Variants in NCOA1 observed in about 807,000 individuals in gnomAD.
NCOA1 encodes nuclear receptor coactivator 1.
In NCOA1, 35 loss-of-function variants were observed where a neutral mutation model predicts 150.9. The ratio of observed to expected loss-of-function variants is 0.23; its 90% confidence interval spans 0.18 to 0.31. The LOEUF (loss-of-function observed/expected upper bound fraction) is 0.31. Ranked by LOEUF, NCOA1 falls within the 10% of genes least tolerant of loss-of-function variation. NCOA1 has a pLI of 1.00. For missense variants in NCOA1, 1,491 were observed against 1,749.3 expected, an observed-to-expected ratio of 0.85 and a Z score of 2.63; for synonymous variants, 590 against 630.0, an observed-to-expected ratio of 0.94 and a Z score of 0.95.
chr2:24,659,055 C>T, intron 5 of NCOA1: 1 of 296,968 alleles, frequency 3.4e-6, no homozygotes, highest in South Asian at 6.0e-5. Flanking sequence ...AGATCAAGTT[C>T]CTCCATTCAT....
rs56033921 is a variant in NCOA1, at chr2:24,671,691, G to A, written c.257-1675G>A. ...TTATTGTACCTCAGCCTCCTGAGTAGCTGAGATTACAGACATGTGCCACCA... is the reference window on the plus strand; with the variant it reads ...TTATTGTACCTCAGCCTCCTGAGTAACTGAGATTACAGACATGTGCCACCA... On this transcript the variant is annotated intron_variant, in intron 6 of 22. Coordinates refer to ENST00000348332, the MANE Select transcript of NCOA1 (RefSeq NM_003743.5). Among the ~76,000 whole-genome samples the A allele has an allele frequency of 9.7e-3, 1,475 of 152,116 alleles. 6 individuals are homozygous for A. The highest frequency in any genetic ancestry group is 0.014 in the Non-Finnish European group (975 of 68,002).
intron 21 of NCOA1, among the ~76,000 whole-genome samples, chr2:24,758,635 C>T (rs1664619892): frequency 6.6e-6 from 1 of 152,022 alleles, no homozygotes; most frequent in Admixed American, 6.6e-5. Context: ...CTGGCCTTGA[C>T]AGACTTTATA....
chr2:24,737,289 A>G (rs1663360893), intron 17 of NCOA1, among the ~76,000 whole-genome samples: 1 of 152,210 alleles, frequency 6.6e-6, no homozygotes, highest in African/African-American at 2.4e-5. Flanking sequence ...ACACAGCACT[A>G]GTCAGGTTGC....
At chr2:24,670,422 A>G (rs1280953957) in intron 6 of NCOA1, among the ~76,000 whole-genome samples, 1 of 152,238 alleles carries the variant, frequency 6.6e-6, no homozygotes, top group Non-Finnish European at 1.5e-5. Flanking sequence ...GAAACTACCC[A>G]TACGTCCATC....
chr2:24,557,545 T>C (rs1666121933), intron 1 of NCOA1, among the ~76,000 whole-genome samples: 2 of 151,182 alleles, frequency 1.3e-5, no homozygotes, highest in Non-Finnish European at 2.9e-5. Context: ...TTCCTCCTTC[T>C]CCCCTCCCTT....
intron 3 of NCOA1, among the ~76,000 whole-genome samples, chr2:24,640,558 A>G (rs1479463354): frequency 6.6e-6 from 1 of 152,162 alleles, no homozygotes; most frequent in Admixed American, 6.5e-5. Context: ...CTATCATCCT[A>G]GCACTTTGGG....
intron 3 of NCOA1, among the ~76,000 whole-genome samples, chr2:24,588,646 T>C (rs956300870): frequency 1.3e-5 from 2 of 152,192 alleles, no homozygotes; most frequent in Non-Finnish European, 2.9e-5. Flanking sequence ...CTGGCCATCA[T>C]TGGTGTTTTT....
chr2:24,718,493 C>T (rs968235194), intron 14 of NCOA1, among the ~76,000 whole-genome samples: 3 of 152,062 alleles, frequency 2.0e-5, no homozygotes, highest in Non-Finnish European at 4.4e-5. Flanking sequence ...AGTCCACGTC[C>T]ATAAAGATAC....
intron 1 of NCOA1, among the ~76,000 whole-genome samples, chr2:24,505,970 A>T (rs1663675822): frequency 6.6e-6 from 1 of 151,914 alleles, no homozygotes. Context: ...AGACAGACTC[A>T]CTCACACACA....
rs141390275 is a variant in NCOA1 at position 24,551,796 on chromosome 2, A to G, written c.-395-12499A>G. ...TTTTGAATTTTTTCTATTTAGGTCT[A>G]TTAATTTTTGTGTAAGACATGAGGT... On this transcript the variant is annotated intron_variant, in intron 1 of 22. Coordinates refer to ENST00000348332, the MANE Select transcript of NCOA1 (RefSeq NM_003743.5). Among the ~76,000 whole-genome samples, 700 of 152,244 alleles carry G rather than the reference A, an allele frequency of 4.6e-3. 9 individuals are homozygous for G. Among genetic ancestry groups the G allele is most frequent in the Admixed American group, 0.026 (401 of 15,298 alleles).
chr2:24,507,671 A>G (rs771621927), intron 1 of NCOA1, among the ~76,000 whole-genome samples: 20 of 152,090 alleles, frequency 1.3e-4, no homozygotes, highest in Admixed American at 2.6e-4. Flanking sequence ...ACGTCTCGGT[A>G]CCAGGAAAAG....
At chr2:24,567,231 C>T (rs538635173) in intron 2 of NCOA1, among the ~76,000 whole-genome samples, 2 of 152,316 alleles carry the variant, frequency 1.3e-5, no homozygotes, top group East Asian at 3.9e-4. Context: ...TTTAAAACGT[C>T]CCTGGCAATT....
chr2:24,686,937 CT>C (rs529975112), intron 8 of NCOA1, among the ~76,000 whole-genome samples: 4 of 149,200 alleles, frequency 2.7e-5, no homozygotes, highest in African/African-American at 4.9e-5. Flanking sequence ...TATTTTTCAA[CT>C]TTTTTTTTTC....
chr2:24,505,354 T>C (rs56207402), intron 1 of NCOA1, among the ~76,000 whole-genome samples: 8,516 of 152,230 alleles, frequency 0.056, 324 homozygotes, highest in Non-Finnish European at 0.08. Flanking sequence ...TCATTTTGTA[T>C]TTTTAGTAGA....
intron 3 of NCOA1, among the ~76,000 whole-genome samples, chr2:24,602,907 T>C (rs969374611): frequency 6.6e-6 from 1 of 152,232 alleles, no homozygotes; most frequent in Non-Finnish European, 1.5e-5. Flanking sequence ...GTGAACACTA[T>C]GCTGAATTTT....
intron 4 of NCOA1, among the ~76,000 whole-genome samples, chr2:24,648,802 T>C (rs1670589297): frequency 6.6e-6 from 1 of 152,214 alleles, no homozygotes; most frequent in African/African-American, 2.4e-5. Context: ...GGTGTAGATA[T>C]ATATATTTAA....
intron 14 of NCOA1, 86 bp downstream of exon 14, chr2:24,711,197 C>G (rs570338955): frequency 1.5e-6 from 2 of 1,313,580 alleles, no homozygotes; most frequent in South Asian, 3.4e-5. Flanking sequence ...TACACAGATC[C>G]TTTGCTTAAG....
chr2:24,609,647 G>A (rs1668532945), intron 3 of NCOA1, among the ~76,000 whole-genome samples: 3 of 151,910 alleles, frequency 2.0e-5, no homozygotes, highest in African/African-American at 7.3e-5. Context: ...AATAAAAAAG[G>A]ACCAACTTTT....
At chr2:24,572,662 C>G (rs1349010672) in intron 2 of NCOA1, among the ~76,000 whole-genome samples, 1 of 152,176 alleles carries the variant, frequency 6.6e-6, no homozygotes, top group African/African-American at 2.4e-5. Flanking sequence ...ACCTCCCTCT[C>G]TCCACCCGAG....
Sources: gnomAD v4.1 joint callset for allele counts (sites outside exome capture counted in the v4.1 genomes callset) on GRCh38, gnomAD v4.1.1 for gene constraint, MANE v1.5 for transcripts, NCBI Gene and HGNC (gene_info 2026-07-23, HGNC 2026-07-21) for gene names.